The following ANXA1 variants were observed in gnomAD, a reference collection of about 807,000 sequenced individuals.
ANXA1 encodes annexin I (lipocortin I).
ANXA1 carries 39 observed loss-of-function variants against 47.9 expected under a neutral mutation model. The ratio of observed to expected loss-of-function variants is 0.81; its 90% CI spans 0.63 to 1.06. The LOEUF (loss-of-function observed/expected upper bound fraction) is 1.06, where lower values mean the gene tolerates loss of function less well. Among genes scored for constraint, ANXA1 ranks in the 50% least tolerant of loss-of-function variants. The pLI is 0.00. For synonymous variants in ANXA1, 146 were observed against 142.5 expected (o/e 1.02, Z -0.17); for missense variants, 446 against 422.7 (o/e 1.06, Z -0.48).
chr9:73,158,557 C>T lies in ANXA1; in HGVS notation c.22C>T (p.Leu8Phe). The T allele has an allele frequency of 1.2e-6, 2 of 1,613,598 alleles. No individual in the cohort carries two copies. Among genetic ancestry groups the T allele is most frequent in the Admixed American group, 1.7e-5 (1 of 59,974 alleles). The change falls in exon 2 of 13, where the codon CTC (leucine) becomes TTC (phenylalanine). Residue 8 changes from leucine (L) to phenylalanine (F), a missense_variant. Transcript: ENST00000257497. ...AAAAATGGCAATGGTATCAGAATTC[C>T]TCAAGCAGGCCTGGTTTATTGAAAA... Reference protein sequence around the residue: MAMVSEFLKQAWFIENEE... With the variant: MAMVSEFFKQAWFIENEE...
intron 11 of ANXA1, 132 bp from the exon 12 acceptor site, chr9:73,168,880 GGTGTGTGTGTGTGTGTGTGT>G (rs3832643): frequency 4.7e-5 from 19 of 402,864 alleles, no homozygotes; most frequent in Non-Finnish European, 8.6e-5. Flanking sequence ...ATTCGTGTAA[GGTGTGTGTGTGTGTGTGTGT>G]GTGTGTGTGT....
At chr9:73,152,360 A>C (rs147025178) in intron 1 of ANXA1, among the ~76,000 whole-genome samples, 29 of 152,356 alleles carry the variant, frequency 1.9e-4, no homozygotes, top group African/African-American at 6.5e-4. Flanking sequence ...AGTGGGCTGC[A>C]GGGAACTGTT....
intron 11 of ANXA1, chr9:73,167,768 G>A (rs1588226786): frequency 8.2e-6 from 4 of 484,926 alleles, no homozygotes; most frequent in Non-Finnish European, 1.1e-5. Flanking sequence ...TGTAAAGTGA[G>A]CCTGTAAGTG....
chr9:73,169,293 A>G (rs1824285488), intron 12 of ANXA1, 139 bp downstream of exon 12: 1 of 931,652 alleles, frequency 1.1e-6, no homozygotes, highest in Non-Finnish European at 1.5e-6. Context: ...ATACTTCATG[A>G]GTAAATTGAA....
intron 3 of ANXA1, 122 bp from the exon 4 acceptor site, chr9:73,159,207 A>G: frequency 1.3e-6 from 1 of 776,750 alleles, no homozygotes; most frequent in South Asian, 1.7e-5. Flanking sequence ...TTAGGCTGAT[A>G]TATAATTTAT....
Position 73,167,533 on chromosome 9 carries a change from A to G in ANXA1, c.839A>G (p.Glu280Gly), listed in dbSNP as rs781618965. 1 of 1,613,478 alleles carries G rather than the reference A, an allele frequency of 6.2e-7. No individual in the cohort carries two copies. The highest frequency in any genetic ancestry group is 8.5e-7 in the Non-Finnish European group (1 of 1,179,532). Residue 280 changes from glutamate to glycine, a missense_variant, in exon 11 of 13, where the codon GAG becomes GGG. Coordinates refer to ENST00000257497, the MANE Select transcript of ANXA1 (RefSeq NM_000700.3). ...ACAAGCAAACCAGCTTTCTTTGCAGAGAAGCTTCATCAAGCCATGAAAGTA... is the reference window on the plus strand; with the variant it reads ...ACAAGCAAACCAGCTTTCTTTGCAGGGAAGCTTCATCAAGCCATGAAAGTA... ...CATSKPAFFA[E>G]KLHQAMKGVG...
At chr9:73,167,639 C>G (rs17058570) in intron 11 of ANXA1, 84 bp downstream of exon 11, 37,128 of 1,276,460 alleles carry the variant, frequency 0.029, 615 homozygotes, top group Middle Eastern at 0.033. Context: ...GTTTGAAAAT[C>G]TCACATTTAA....
intron 8 of ANXA1, among the ~76,000 whole-genome samples, chr9:73,164,709 T>G (rs1824197652): frequency 6.6e-6 from 1 of 152,166 alleles, no homozygotes; most frequent in African/African-American, 2.4e-5. Context: ...ATACAGAAAT[T>G]CTAACATCAA....
intron 1 of ANXA1, chr9:73,154,073 G>T: frequency 3.1e-6 from 1 of 317,926 alleles, no homozygotes; most frequent in South Asian, 2.4e-5. Flanking sequence ...GGAGGAACAA[G>T]CATTCCAGGC....
At position 73,160,339 on chromosome 9, in the gene ANXA1, C is replaced by A. The variant is rs770135039; in HGVS notation, c.347C>A (p.Ala116Glu). 1 of 1,585,574 alleles carries A rather than the reference C, an allele frequency of 6.3e-7. No individual in the cohort carries two copies. ...EVVLALLKTPAQFDADELRAA... is the reference protein window; with the variant it reads ...EVVLALLKTPEQFDADELRAA... ...GTTTTAGCTCTGCTAAAAACTCCAGCGCAATTTGATGCTGATGAACTTCGT... is the reference window on the plus strand; with the variant it reads ...GTTTTAGCTCTGCTAAAAACTCCAGAGCAATTTGATGCTGATGAACTTCGT... The change falls in exon 5 of 13, where the codon GCG becomes GAG. Residue 116 changes from alanine to glutamate, a missense_variant. Ala to Glu is a moderately radical substitution (Grantham distance 107). Transcript: ENST00000257497.
intron 1 of ANXA1, among the ~76,000 whole-genome samples, 152 bp downstream of exon 1, chr9:73,152,076 A>ATTT (rs1277502006): frequency 6.6e-6 from 1 of 152,190 alleles, no homozygotes; most frequent in Non-Finnish European, 1.5e-5. Context: ...TACATTGGAT[A>ATTT]TTTATATTTT....
Position 73,162,802 on chromosome 9 carries a change from A to G in ANXA1, c.496A>G (p.Lys166Glu). The change falls in exon 7 of 13, where the codon AAA becomes GAA. Residue 166 changes from lysine to glutamate, a missense_variant. Physicochemically the swap from Lys to Glu is moderately conservative, Grantham distance 56. Coordinates refer to ENST00000257497, the MANE Select transcript of ANXA1 (RefSeq NM_000700.3). Reference sequence around the variant, plus strand: ...CTCAGAACTGAAGAGAGATCTGGCCAAAGACATAACCTCAGACACATCTGG... The same window carrying G: ...CTCAGAACTGAAGAGAGATCTGGCCGAAGACATAACCTCAGACACATCTGG... ...YREELKRDLAKDITSDTSGDF... is the reference protein window; with the variant it reads ...YREELKRDLAEDITSDTSGDF... 6.2e-7 allele frequency: 1 copy of G among 1,613,134 alleles called. No individual in the cohort carries two copies. The highest frequency in any genetic ancestry group is 8.5e-7 in the Non-Finnish European group (1 of 1,179,424).
intron 8 of ANXA1, among the ~76,000 whole-genome samples, chr9:73,164,339 T>C (rs1259974556): frequency 6.6e-6 from 1 of 152,136 alleles, no homozygotes; most frequent in Non-Finnish European, 1.5e-5. Flanking sequence ...GCAAAATAAT[T>C]TTTACATACA....
Position 73,162,807 on chromosome 9 carries a change from C to T in ANXA1, c.501C>T (p.Asp167=). 6.2e-7 allele frequency: 1 copy of T among 1,613,146 alleles called. No individual in the cohort carries two copies. The highest frequency in any genetic ancestry group is 1.1e-5 in the South Asian group (1 of 91,042). ...AACTGAAGAGAGATCTGGCCAAAGACATAACCTCAGACACATCTGGAGATT... is the reference window on the plus strand; with the variant it reads ...AACTGAAGAGAGATCTGGCCAAAGATATAACCTCAGACACATCTGGAGATT... ...REELKRDLAK[D]ITSDTSGDFR... is the part of the protein sequence containing the mutation. The change falls in exon 7 of 13, where the codon GAC becomes GAT. Residue 167 remains aspartate (D), a synonymous_variant. Coordinates refer to ENST00000257497, the MANE Select transcript of ANXA1 (RefSeq NM_000700.3).
Position 73,166,096 on chromosome 9 carries a change from G to A in ANXA1, c.707-1G>A, listed in dbSNP as rs771184852. ...TATCTTAGTTTGAATTTAATATTCA[G>A]TGTTTCAGAAATACACCAAGTACAG... On this transcript the variant is annotated splice_acceptor_variant, in intron 9 of 12. Coordinates refer to ENST00000257497, the MANE Select transcript of ANXA1 (RefSeq NM_000700.3). LOFTEE classifies it high-confidence loss of function. 2 of 1,597,732 alleles carry A rather than the reference G, an allele frequency of 1.3e-6. No individual in the cohort carries two copies. The highest frequency in any genetic ancestry group is 8.5e-7 in the Non-Finnish European group (1 of 1,171,850).
Position 73,169,049 on chromosome 9 carries a change from T to A in ANXA1, c.879T>A (p.His293Gln). 6.2e-7 allele frequency: 1 copy of A among 1,612,242 alleles called. No individual in the cohort carries two copies. The highest frequency in any genetic ancestry group is 8.5e-7 in the Non-Finnish European group (1 of 1,179,150). ...TTGGCCAGGGTGTTGGAACTCGCCATAAGGCATTGATCAGGATTATGGTTT... is the reference window on the plus strand; with the variant it reads ...TTGGCCAGGGTGTTGGAACTCGCCAAAAGGCATTGATCAGGATTATGGTTT... ...HQAMKGVGTR[H>Q]KALIRIMVSR... Residue 293 changes from histidine (H) to glutamine (Q), a missense_variant, in exon 12 of 13, where the codon CAT becomes CAA. Transcript: ENST00000257497.
At chr9:73,164,797 TA>T (rs998687776) in intron 8 of ANXA1, among the ~76,000 whole-genome samples, 2 of 152,018 alleles carry the variant, frequency 1.3e-5, no homozygotes, top group African/African-American at 4.8e-5. Flanking sequence ...CAACACAGAG[TA>T]AAAAATCTTT....
At position 73,158,566 on chromosome 9, in the gene ANXA1, G is replaced by A; in HGVS notation, c.31G>A (p.Ala11Thr). 6.2e-7 allele frequency: 1 copy of A among 1,613,694 alleles called. No homozygotes were observed. The highest frequency in any genetic ancestry group is 8.5e-7 in the Non-Finnish European group (1 of 1,179,820). MAMVSEFLKQ[A>T]WFIENEEQEY... ...AATGGTATCAGAATTCCTCAAGCAG[G>A]CCTGGTTTATTGAAAATGAAGAGCA... Residue 11 changes from alanine to threonine, a missense_variant, in exon 2 of 13, where the codon GCC (alanine) becomes ACC (threonine). Coordinates refer to ENST00000257497, the MANE Select transcript of ANXA1 (RefSeq NM_000700.3).
At chr9:73,160,707 A>G (rs1411631906) in intron 5 of ANXA1, 96 bp from the exon 6 acceptor site, 1 of 815,176 alleles carries the variant, frequency 1.2e-6, no homozygotes, top group East Asian at 2.5e-5. Flanking sequence ...TTACTAAATG[A>G]CAGAGTCAAA....
Sources: gnomAD v4.1 joint callset for allele counts (sites outside exome capture counted in the v4.1 genomes callset) on GRCh38, gnomAD v4.1.1 for gene constraint, MANE v1.5 for transcripts, NCBI Gene and HGNC (gene_info 2026-07-23, HGNC 2026-07-21) for gene names.